The following TSPAN9 variants were observed in gnomAD, a reference collection of about 807,000 sequenced individuals.
The protein encoded by TSPAN9 is tetraspanin-9.
TSPAN9 carries 16 observed loss-of-function variants against 31.0 expected under a neutral mutation model. That is an observed-to-expected ratio of 0.52 (90% confidence interval 0.35 to 0.78). TSPAN9 has a LOEUF of 0.78. TSPAN9 is among the 30% of genes least tolerant of loss of function. The pLI is 0.01. For missense variants in TSPAN9, 272 were observed against 312.5 expected (o/e 0.87, Z 0.98); for synonymous variants, 145 against 121.6 (o/e 1.19, Z -1.27).
chr12:3,239,498 A>C (rs933941013), intron 3 of TSPAN9, among the ~76,000 whole-genome samples: 2 of 152,208 alleles, frequency 1.3e-5, no homozygotes, highest in African/African-American at 4.8e-5. Flanking sequence ...TCCATGGGCG[A>C]GCAGTGTCTG....
In TSPAN9 at chr12:3,101,983, C is replaced by T. The variant is rs371097799; in HGVS notation, c.-18+18264C>T. ...CTTCCCCTAGGGTCTTTCTTTTCCT[C>T]GGACTGGAAGCTCCTGAGGAGGTGT... On this transcript the variant is annotated intron_variant, in intron 2 of 8. Transcript: ENST00000011898. Among the ~76,000 whole-genome samples, 13 of 152,282 alleles carry T rather than the reference C, an allele frequency of 8.5e-5. No individual in the cohort carries two copies. In the East Asian group the frequency reaches 1.5e-3, roughly 18 times the overall value.
chr12:3,093,976 C>T (rs1268224022), intron 2 of TSPAN9, among the ~76,000 whole-genome samples: 1 of 152,222 alleles, frequency 6.6e-6, no homozygotes, highest in Non-Finnish European at 1.5e-5. Flanking sequence ...AATCCTCCTG[C>T]CTCAGCCTCC....
chr12:3,232,799 C>G (rs982897392), intron 3 of TSPAN9, among the ~76,000 whole-genome samples: 4 of 152,236 alleles, frequency 2.6e-5, no homozygotes, highest in African/African-American at 9.6e-5. Context: ...TCCAGCCACT[C>G]TCAGTGGGCA....
At chr12:3,095,497 G>A (rs1170596080) in intron 2 of TSPAN9, among the ~76,000 whole-genome samples, 41 of 87,248 alleles carry the variant, frequency 4.7e-4, no homozygotes, top group Middle Eastern at 7.6e-3. Flanking sequence ...GCCGGGCGGG[G>A]GACTGACCCC....
Position 3,143,169 on chromosome 12 carries a change from G to T in TSPAN9, c.-17-58008G>T, listed in dbSNP as rs188247259. On this transcript the variant is annotated intron_variant, in intron 2 of 8. Transcript: ENST00000011898. The surrounding 1 kb of genome is among the most constrained non-coding windows in gnomAD (Gnocchi z 4.2). ...TGTGTGTCTTATTACTGGTGATGATGCCCTGCTCACTTGGAGAAGGTGATG... is the reference window on the plus strand; with the variant it reads ...TGTGTGTCTTATTACTGGTGATGATTCCCTGCTCACTTGGAGAAGGTGATG... Among the ~76,000 whole-genome samples the T allele has an allele frequency of 6.6e-6, 1 of 151,820 alleles. No homozygotes were observed. The highest frequency in any genetic ancestry group is 2.4e-5 in the African/African-American group (1 of 41,280).
intron 3 of TSPAN9, among the ~76,000 whole-genome samples, chr12:3,227,859 T>G (rs1438612074): frequency 6.6e-6 from 1 of 152,136 alleles, no homozygotes; most frequent in Non-Finnish European, 1.5e-5. Context: ...GTGGTACAGG[T>G]TTGACTTCTG....
At chr12:3,081,830 G>GTA (rs755307321) in intron 1 of TSPAN9, among the ~76,000 whole-genome samples, 447 of 38,254 alleles carry the variant, frequency 0.012, 3 homozygotes, top group Non-Finnish European at 0.015. Flanking sequence ...GTGTGTGTGT[G>GTA]TGTGTCTGTG....
chr12:3,121,533 C>CTTTTTTT (rs59376087), intron 2 of TSPAN9, among the ~76,000 whole-genome samples: 53 of 92,912 alleles, frequency 5.7e-4, no homozygotes, highest in East Asian at 1.4e-3. Flanking sequence ...CTAATTAAAA[C>CTTTTTTT]TTTTTTTTTT....
chr12:3,136,514 A>T (rs769120345), intron 2 of TSPAN9, among the ~76,000 whole-genome samples: 8 of 152,204 alleles, frequency 5.3e-5, no homozygotes, highest in African/African-American at 9.7e-5. Context: ...GGATGCCTCC[A>T]GCATTGCAAA....
At chr12:3,282,055 G>T in intron 8 of TSPAN9, 2 of 689,324 alleles carry the variant, frequency 2.9e-6, no homozygotes, top group Non-Finnish European at 5.4e-6. Flanking sequence ...CCCAGGCTGG[G>T]ATATTGAAGC....
At chr12:3,154,338 G>A (rs914713379) in intron 2 of TSPAN9, among the ~76,000 whole-genome samples, 6 of 152,102 alleles carry the variant, frequency 3.9e-5, no homozygotes, top group Admixed American at 2.6e-4. Context: ...TTCGAAGCCC[G>A]CTGGCCTGGT....
chr12:3,150,071 G>T (rs909912439), intron 2 of TSPAN9, among the ~76,000 whole-genome samples: 6 of 152,212 alleles, frequency 3.9e-5, no homozygotes, highest in Non-Finnish European at 8.8e-5. Context: ...TTCCCTCAGG[G>T]AGGGCACAGT....
At chr12:3,259,687 G>C (rs1862412557) in intron 3 of TSPAN9, among the ~76,000 whole-genome samples, 1 of 152,254 alleles carries the variant, frequency 6.6e-6, no homozygotes, top group African/African-American at 2.4e-5. Context: ...GAACACCAAA[G>C]GCAAAACAGA....
rs1478923411 is a variant in TSPAN9, at chr12:3,226,763, TATATATATATATATATATATATATATA to T, written c.63+25508_63+25534del. On this transcript the variant is annotated intron_variant, in intron 3 of 8. Transcript: ENST00000011898. ...GTGTGTGTATATATATATATATATA[TATATATATATATATATATATATATATA>T]TATATTTTTTTTTTTTTTTCCCTCT... 7.0e-3 allele frequency among the ~76,000 whole-genome samples: 16 copies of T among 2,294 alleles called. 2 individuals are homozygous for T. Among genetic ancestry groups the T allele is most frequent in the Admixed American group, 0.016 (3 of 182 alleles). The allele number at this position is 2,294 out of a possible 152,430, so 1.5% of individuals were successfully genotyped here.
intron 2 of TSPAN9, among the ~76,000 whole-genome samples, chr12:3,155,094 T>C (rs994428988): frequency 6.6e-6 from 1 of 152,196 alleles, no homozygotes; most frequent in African/African-American, 2.4e-5. Flanking sequence ...TTTTAACTAT[T>C]GGCAGCTAAT....
chr12:3,084,131 T>G (rs1474594783), intron 2 of TSPAN9: 1 of 152,248 alleles, frequency 6.6e-6, no homozygotes, highest in African/African-American at 2.4e-5. Context: ...CAGTCCTTAG[T>G]GTCTCCATTT....
intron 2 of TSPAN9, among the ~76,000 whole-genome samples, chr12:3,196,895 C>T (rs1001720806): frequency 6.6e-6 from 1 of 152,184 alleles, no homozygotes; most frequent in East Asian, 1.9e-4. Context: ...GACAATGAGG[C>T]AACTATTCTG....
intron 2 of TSPAN9, among the ~76,000 whole-genome samples, chr12:3,154,325 A>G (rs577096965): frequency 6.6e-5 from 10 of 152,192 alleles, no homozygotes; most frequent in African/African-American, 2.4e-4. Flanking sequence ...TCCTATCTCC[A>G]GCTTCGAAGC....
intron 3 of TSPAN9, among the ~76,000 whole-genome samples, chr12:3,232,038 C>T (rs2098391017): frequency 1.3e-5 from 2 of 152,244 alleles, no homozygotes; most frequent in Admixed American, 1.3e-4. Flanking sequence ...CCACGGGCCT[C>T]TTCCAGAGGT....
Sources: gnomAD v4.1 joint callset for allele counts (sites outside exome capture counted in the v4.1 genomes callset) on GRCh38, gnomAD v4.1.1 for gene constraint, Gnocchi (gnomAD v3.1) non-coding constraint, MANE v1.5 for transcripts, NCBI Gene and HGNC (gene_info 2026-07-23, HGNC 2026-07-21) for gene names.